GRM7: variants seen among roughly 807,000 people sequenced by gnomAD.
GRM7 encodes glutamate metabotropic receptor 7.
In GRM7, 35 loss-of-function variants were observed where a neutral mutation model predicts 84.5. The observed-to-expected ratio is 0.41, with a 90% CI of 0.32 to 0.55. The LOEUF is 0.55. Among genes scored for constraint, GRM7 ranks in the 20% least tolerant of loss-of-function variants. GRM7 has a pLI of 0.19. For synonymous variants in GRM7, 487 were observed against 455.1 expected, an observed-to-expected ratio of 1.07 and a Z score of -0.89; for missense variants, 1,003 against 1,194.6, an observed-to-expected ratio of 0.84 and a Z score of 2.36.
chr3:7,497,660 G>A (rs1187663234), intron 7 of GRM7, among the ~76,000 whole-genome samples: 2 of 152,062 alleles, frequency 1.3e-5, no homozygotes, highest in Non-Finnish European at 2.9e-5. Context: ...ATATACATGA[G>A]CCTCATTTGT....
intron 8 of GRM7, among the ~76,000 whole-genome samples, chr3:7,587,108 C>T (rs73809432): frequency 6.6e-6 from 1 of 152,112 alleles, no homozygotes; most frequent in Non-Finnish European, 1.5e-5. Flanking sequence ...AATTTGCATA[C>T]TTCAACATGA....
chr3:7,566,103 G>GTTTTT (rs58178956), intron 7 of GRM7, among the ~76,000 whole-genome samples: 13 of 130,018 alleles, frequency 1.0e-4, no homozygotes, highest in South Asian at 5.2e-4. Context: ...TGAATCAGCT[G>GTTTTT]TTTTTTTTTT....
rs778165780 is a variant in GRM7 at position 6,960,656 on chromosome 3, C to T, written c.519+98749C>T. On this transcript the variant is annotated intron_variant, in intron 1 of 9. Transcript: ENST00000357716. ...TTTTCAATGTATTCCCTGGAACATGCAGTCTGTCATTAGCAAAATTCCCAA... is the reference window on the plus strand; with the variant it reads ...TTTTCAATGTATTCCCTGGAACATGTAGTCTGTCATTAGCAAAATTCCCAA... Among the ~76,000 whole-genome samples the T allele has an allele frequency of 1.1e-4, 16 of 152,282 alleles. No homozygotes were observed. In the East Asian group the frequency reaches 2.9e-3, roughly 28 times the overall value.
At chr3:7,483,293 G>A (rs572880973) in intron 7 of GRM7, among the ~76,000 whole-genome samples, 1 of 152,308 alleles carries the variant, frequency 6.6e-6, no homozygotes, top group East Asian at 1.9e-4. Context: ...AAGGTGATGT[G>A]ATACCAAAGG....
At chr3:7,218,894 G>C (rs946124069) in intron 2 of GRM7, among the ~76,000 whole-genome samples, 1 of 151,972 alleles carries the variant, frequency 6.6e-6, no homozygotes, top group Non-Finnish European at 1.5e-5. Flanking sequence ...GGTACAAGTA[G>C]TTTGTGATTA....
intron 2 of GRM7, among the ~76,000 whole-genome samples, chr3:7,286,724 C>G (rs771130397): frequency 1.6e-4 from 25 of 152,054 alleles, no homozygotes; most frequent in Non-Finnish European, 3.1e-4. Flanking sequence ...CATGTCTCTT[C>G]CTCTCTTCTT....
intron 3 of GRM7, among the ~76,000 whole-genome samples, chr3:7,303,568 C>G (rs1700083217): frequency 6.6e-6 from 1 of 152,046 alleles, no homozygotes; most frequent in Non-Finnish European, 1.5e-5. Flanking sequence ...AAATATGATG[C>G]ACTACAGCAT....
At chr3:7,057,139 T>C (rs538197087) in intron 1 of GRM7, among the ~76,000 whole-genome samples, 1 of 151,988 alleles carries the variant, frequency 6.6e-6, no homozygotes, top group Non-Finnish European at 1.5e-5. Flanking sequence ...TTGCCTGTGA[T>C]AGATTCCTAG....
intron 2 of GRM7, among the ~76,000 whole-genome samples, chr3:7,170,626 A>T (rs755817457): frequency 5.3e-5 from 8 of 152,164 alleles, no homozygotes; most frequent in Non-Finnish European, 1.0e-4. Context: ...AGGTGATACT[A>T]AAAGGCTTAA....
At chr3:7,222,532 A>C (rs1387722439) in intron 2 of GRM7, among the ~76,000 whole-genome samples, 10 of 152,086 alleles carry the variant, frequency 6.6e-5, no homozygotes, top group African/African-American at 2.4e-4. Context: ...TTTAGAAGTA[A>C]ATTCATTTTC....
At chr3:7,572,636 C>T (rs1239357) in intron 7 of GRM7, among the ~76,000 whole-genome samples, 19 of 149,254 alleles carry the variant, frequency 1.3e-4, no homozygotes, top group Non-Finnish European at 2.1e-4. Context: ...TGGCTAACAC[C>T]GTGAAACCCC....
chr3:7,415,122 T>C lies in GRM7; in HGVS notation c.1133T>C (p.Ile378Thr). 6.2e-7 allele frequency: 1 copy of C among 1,612,884 alleles called. No homozygotes were observed. Among genetic ancestry groups the C allele is most frequent in the Non-Finnish European group, 8.5e-7 (1 of 1,179,026 alleles). The change falls in exon 5 of 10, where the codon ATT becomes ACT. Residue 378 changes from isoleucine (I) to threonine (T), a missense_variant. Around this residue, in one of 2 missense-constraint regions of GRM7, gnomAD observed 910 missense variants for 1,126.0 expected, o/e 0.81. Transcript: ENST00000357716. ...GAAAACTTCAACTGCAAGTTGACGATTAGTGGGTCAAAAAAAGAAGACACA... is the reference window on the plus strand; with the variant it reads ...GAAAACTTCAACTGCAAGTTGACGACTAGTGGGTCAAAAAAAGAAGACACA... ...WEENFNCKLT[I>T]SGSKKEDTDR... is the part of the protein sequence containing the mutation.
chr3:7,697,067 T>A (rs3804826), intron 9 of GRM7, among the ~76,000 whole-genome samples: 62,025 of 151,792 alleles, frequency 0.41, 12,933 homozygotes, highest in East Asian at 0.7. Context: ...AGATAAGGGA[T>A]TGAGAAAGAA....
At chr3:7,032,018 T>A (rs1191883579) in intron 1 of GRM7, among the ~76,000 whole-genome samples, 1 of 152,224 alleles carries the variant, frequency 6.6e-6, no homozygotes, top group African/African-American at 2.4e-5. Flanking sequence ...TCTATGCTTT[T>A]ATGTCCAACG....
intron 1 of GRM7, among the ~76,000 whole-genome samples, chr3:6,987,690 C>G (rs1694469274): frequency 6.6e-6 from 1 of 152,154 alleles, no homozygotes; most frequent in African/African-American, 2.4e-5. Flanking sequence ...TGGAAGCCAG[C>G]AGAAAGATTT....
At position 7,112,643 on chromosome 3, in the gene GRM7, G is replaced by T. The variant is rs1011220235; in HGVS notation, c.520-33809G>T. Among the ~76,000 whole-genome samples the T allele has an allele frequency of 2.0e-5, 3 of 152,070 alleles. No individual in the cohort carries two copies. In the South Asian group the frequency reaches 6.2e-4, roughly 31 times the overall value. ...GCCTGGTGTGTGGCAGCCCCCACTC[G>T]GTTGTTTTTGTCCTCACTTGGCTTG... On this transcript the variant is annotated intron_variant, in intron 1 of 9. Transcript: ENST00000357716.
intron 7 of GRM7, among the ~76,000 whole-genome samples, chr3:7,474,147 G>T (rs1698823468): frequency 6.6e-6 from 1 of 152,118 alleles, no homozygotes; most frequent in Non-Finnish European, 1.5e-5. Flanking sequence ...ATAACTTTCA[G>T]AACCAAAATA....
chr3:7,415,071 A>T lies in GRM7; in HGVS notation c.1082A>T (p.Asn361Ile), dbSNP rs1367714458. 1 of 1,612,464 alleles carries T rather than the reference A, an allele frequency of 6.2e-7. No individual in the cohort carries two copies. The highest frequency in any genetic ancestry group is 8.5e-7 in the Non-Finnish European group (1 of 1,178,742). ...CGTACACTTGAAAACAACAGAAGAA[A>T]TGTATGGTTTGCCGAATACTGGGAG... ...TSRTLENNRRNVWFAEYWEEN... is the reference protein window; with the variant it reads ...TSRTLENNRRIVWFAEYWEEN... Residue 361 changes from asparagine to isoleucine, a missense_variant, in exon 5 of 10, where the codon AAT (asparagine) becomes ATT (isoleucine). Physicochemically the swap from Asn to Ile is moderately radical, Grantham distance 149. Transcript: ENST00000357716.
At chr3:7,408,474 T>C (rs185384700) in intron 4 of GRM7, among the ~76,000 whole-genome samples, 2 of 152,334 alleles carry the variant, frequency 1.3e-5, no homozygotes, top group East Asian at 3.9e-4. Flanking sequence ...CTCTCATCAA[T>C]AGACACACCA....
Sources: allele counts gnomAD v4.1 joint callset (sites outside exome capture counted in the v4.1 genomes callset), GRCh38; gene constraint gnomAD v4.1.1; regional missense constraint gnomAD v4.1.1; transcripts MANE v1.5; gene names NCBI Gene and HGNC (gene_info 2026-07-23, HGNC 2026-07-21).